Variants in ZNF804A observed in about 807,000 individuals in gnomAD.
ZNF804A encodes the protein zinc finger protein 804A.
In ZNF804A, 2 loss-of-function variants were observed where a neutral mutation model predicts 16.5. The ratio of observed to expected loss-of-function variants is 0.12; its 90% CI spans 0.05 to 0.38. The LOEUF (loss-of-function observed/expected upper bound fraction) is 0.38. ZNF804A is among the 10% of genes least tolerant of loss of function. ZNF804A has a pLI of 0.99. For missense variants in ZNF804A, 1,473 were observed against 1,390.7 expected (o/e 1.06, Z -0.94); for synonymous variants, 534 against 489.6 (o/e 1.09, Z -1.20).
chr2:184,801,368 C>T (rs2105782840), intron 1 of ZNF804A, among the ~76,000 whole-genome samples: 1 of 152,216 alleles, frequency 6.6e-6, no homozygotes. Context: ...GCCATAATTA[C>T]TTGTAGTATT....
At chr2:184,783,618 T>G (rs1027030106) in intron 1 of ZNF804A, among the ~76,000 whole-genome samples, 9 of 152,036 alleles carry the variant, frequency 5.9e-5, no homozygotes, top group Middle Eastern at 3.4e-3. Flanking sequence ...TGGTTTTCTG[T>G]TTTATCTATG....
chr2:184,853,291 T>C (rs1695633861), intron 1 of ZNF804A, among the ~76,000 whole-genome samples: 1 of 151,884 alleles, frequency 6.6e-6, no homozygotes, highest in South Asian at 2.1e-4. Flanking sequence ...TACTACAACT[T>C]TAGTGAATTT....
At chr2:184,927,913 C>T (rs536302261) in intron 2 of ZNF804A, among the ~76,000 whole-genome samples, 68 of 152,052 alleles carry the variant, frequency 4.5e-4, no homozygotes, top group Non-Finnish European at 8.5e-4. Context: ...TCCAGAAATG[C>T]CATGCAAAAG....
chr2:184,925,857 T>TTTG (rs1159122658), intron 2 of ZNF804A, among the ~76,000 whole-genome samples: 1 of 151,958 alleles, frequency 6.6e-6, no homozygotes, highest in African/African-American at 2.4e-5. Flanking sequence ...ACGCTATAAC[T>TTTG]TTGTTCCCCT....
intron 2 of ZNF804A, among the ~76,000 whole-genome samples, chr2:184,910,524 G>T (rs577485041): frequency 2.0e-5 from 3 of 151,944 alleles, no homozygotes; most frequent in African/African-American, 7.2e-5. Context: ...TGGTAATTGT[G>T]CTTTGAGTTA....
At chr2:184,684,401 T>C (rs1472536149) in intron 1 of ZNF804A, among the ~76,000 whole-genome samples, 1 of 152,222 alleles carries the variant, frequency 6.6e-6, no homozygotes, top group Non-Finnish European at 1.5e-5. Context: ...TTTGAAATTA[T>C]AAAACTAAAT....
At chr2:184,605,501 CA>C (rs1691130867) in intron 1 of ZNF804A, among the ~76,000 whole-genome samples, 1 of 151,866 alleles carries the variant, frequency 6.6e-6, no homozygotes, top group African/African-American at 2.4e-5. Flanking sequence ...TTGAGTATCT[CA>C]AATACTCAAA....
At chr2:184,870,121 G>A (rs1259326816) in intron 2 of ZNF804A, among the ~76,000 whole-genome samples, 1 of 151,824 alleles carries the variant, frequency 6.6e-6, no homozygotes, top group African/African-American at 2.4e-5. Context: ...GCACAATTTA[G>A]ACACAATTAA....
intron 2 of ZNF804A, among the ~76,000 whole-genome samples, chr2:184,924,408 A>G (rs973193894): frequency 4.0e-5 from 6 of 151,346 alleles, no homozygotes; most frequent in African/African-American, 1.5e-4. Flanking sequence ...ATCTGTTGCA[A>G]TCTCTCCTTT....
At chr2:184,877,187 C>T (rs921713512) in intron 2 of ZNF804A, among the ~76,000 whole-genome samples, 10 of 151,994 alleles carry the variant, frequency 6.6e-5, no homozygotes, top group Non-Finnish European at 1.2e-4. Flanking sequence ...ATTTTTAATG[C>T]ACTTTTTAAA....
At chr2:184,803,313 C>G (rs1341280150) in intron 1 of ZNF804A, among the ~76,000 whole-genome samples, 4 of 152,080 alleles carry the variant, frequency 2.6e-5, no homozygotes. Context: ...TGACGCCCAC[C>G]CTGACTGCCA....
At chr2:184,803,249 C>T (rs1694752493) in intron 1 of ZNF804A, among the ~76,000 whole-genome samples, 1 of 152,010 alleles carries the variant, frequency 6.6e-6, no homozygotes, top group South Asian at 2.1e-4. Context: ...GCATGAATAA[C>T]TTCCTCATCT....
chr2:184,680,076 A>G (rs1339687986), intron 1 of ZNF804A, among the ~76,000 whole-genome samples: 1 of 152,218 alleles, frequency 6.6e-6, no homozygotes, highest in East Asian at 1.9e-4. Flanking sequence ...AACTTGGGAG[A>G]TGACCTGAAG....
chr2:184,662,157 A>C (rs1692184596), intron 1 of ZNF804A, among the ~76,000 whole-genome samples: 1 of 152,170 alleles, frequency 6.6e-6, no homozygotes, highest in Non-Finnish European at 1.5e-5. Context: ...GAATGTATCT[A>C]CTTGGGTTGA....
At chr2:184,604,295 C>G (rs1255954575) in intron 1 of ZNF804A, among the ~76,000 whole-genome samples, 1 of 150,898 alleles carries the variant, frequency 6.6e-6, no homozygotes, top group Non-Finnish European at 1.5e-5. Flanking sequence ...CTCAGCCTCC[C>G]GAGTAGCTGG....
At chr2:184,899,498 G>A (rs991340564) in intron 2 of ZNF804A, among the ~76,000 whole-genome samples, 2 of 151,930 alleles carry the variant, frequency 1.3e-5, no homozygotes, top group Admixed American at 6.6e-5. Context: ...AGATGGCATG[G>A]ATTCTAGGGG....
chr2:184,657,195 C>G (rs1482836917), intron 1 of ZNF804A, among the ~76,000 whole-genome samples: 2 of 152,126 alleles, frequency 1.3e-5, no homozygotes, highest in Admixed American at 6.5e-5. Context: ...AATTGATTCT[C>G]CCACTTCAGA....
chr2:184,853,992 A>T (rs560458860), intron 1 of ZNF804A, among the ~76,000 whole-genome samples: 122 of 151,414 alleles, frequency 8.1e-4, no homozygotes, highest in Non-Finnish European at 1.3e-3. Context: ...AAGGATTGGT[A>T]TTAGCCTTAA....
Position 184,909,710 on chromosome 2 carries a change from A to T in ZNF804A, c.256-23893A>T, listed in dbSNP as rs534571076. Among the ~76,000 whole-genome samples the T allele has an allele frequency of 2.9e-4, 44 of 152,106 alleles. 2 individuals are homozygous for T. In the South Asian group the frequency reaches 9.1e-3, roughly 32 times the overall value. On this transcript the variant is annotated intron_variant, in intron 2 of 3. Transcript: ENST00000302277. ...TCAATCTCAAATGAGATTTGTATTC[A>T]ATATGTAGAATTCTACCTTTTGTCT... is the stretch of plus-strand genomic sequence containing the variant.
Sources: gnomAD v4.1 joint callset for allele counts (sites outside exome capture counted in the v4.1 genomes callset) on GRCh38, gnomAD v4.1.1 for gene constraint, MANE v1.5 for transcripts, NCBI Gene and HGNC (gene_info 2026-07-23, HGNC 2026-07-21) for gene names.